The following LANCL2 variants were observed in gnomAD, a reference collection of about 807,000 sequenced individuals.
LANCL2 encodes LanC like glutathione S-transferase 2.
LANCL2 carries 33 observed loss-of-function variants against 56.9 expected under a neutral mutation model. The ratio of observed to expected loss-of-function variants is 0.58; its 90% confidence interval spans 0.44 to 0.78. The LOEUF (loss-of-function observed/expected upper bound fraction) is 0.78. Ranked by LOEUF, LANCL2 falls within the 30% of genes least tolerant of loss-of-function variation. LANCL2 has a pLI of 0.00. For synonymous variants in LANCL2, 233 were observed against 228.2 expected, an observed-to-expected ratio of 1.02 and a Z score of -0.19; for missense variants, 562 against 580.2, an observed-to-expected ratio of 0.97 and a Z score of 0.32.
chr7:55,387,349 A>G (rs1790136507), intron 1 of LANCL2, among the ~76,000 whole-genome samples: 1 of 152,222 alleles, frequency 6.6e-6, no homozygotes, highest in South Asian at 2.1e-4. Flanking sequence ...TGACCTTCAA[A>G]AAGAAACGTT....
At chr7:55,367,319 T>C (rs1789886722) in intron 1 of LANCL2, among the ~76,000 whole-genome samples, 1 of 152,256 alleles carries the variant, frequency 6.6e-6, no homozygotes, top group Admixed American at 6.5e-5. Flanking sequence ...GATCTCCATG[T>C]ATTTCATATT....
At chr7:55,430,871 C>T (rs1790719459) in intron 8 of LANCL2, among the ~76,000 whole-genome samples, 1 of 152,168 alleles carries the variant, frequency 6.6e-6, no homozygotes, top group Admixed American at 6.5e-5. Flanking sequence ...ATATAAAATG[C>T]AACTTTGAGC....
chr7:55,399,689 T>G (rs879610017), intron 3 of LANCL2, among the ~76,000 whole-genome samples: 1 of 152,194 alleles, frequency 6.6e-6, no homozygotes, highest in African/African-American at 2.4e-5. Context: ...CTTTTACTTC[T>G]GGATTTCAAA....
chr7:55,365,791 G>C lies in LANCL2; in HGVS notation c.-235G>C. The C allele has an allele frequency of 2.6e-6, 1 of 390,772 alleles. No homozygotes were observed. The highest frequency in any genetic ancestry group is 3.7e-5 in the East Asian group (1 of 26,832). The allele number at this position is 390,772 out of a possible 1,614,324, so 24.2% of individuals were successfully genotyped here. ...TCCTCTCCGTCGGGAGCAGGGCAAAGGCGCCAGGAACAGGGCAGAGGCACA... is the reference window on the plus strand; with the variant it reads ...TCCTCTCCGTCGGGAGCAGGGCAAACGCGCCAGGAACAGGGCAGAGGCACA... On this transcript the variant is annotated 5_prime_UTR_variant, in exon 1 of 9. Coordinates refer to ENST00000254770, the MANE Select transcript of LANCL2 (RefSeq NM_018697.4).
rs1206647025 is a variant in LANCL2, at chr7:55,373,720, G to A, written c.204+7491G>A. 3.3e-5 allele frequency among the ~76,000 whole-genome samples: 5 copies of A among 151,964 alleles called. No individual in the cohort carries two copies. In the East Asian group the frequency reaches 7.7e-4, roughly 23 times the overall value. Reference sequence around the variant, plus strand: ...AATTTTTTTATGAGAGGCATTTTTTGCATTTTATTTAATGATACAATTTTG... The same window carrying A: ...AATTTTTTTATGAGAGGCATTTTTTACATTTTATTTAATGATACAATTTTG... On this transcript the variant is annotated intron_variant, in intron 1 of 8. Transcript: ENST00000254770.
intron 6 of LANCL2, among the ~76,000 whole-genome samples, chr7:55,420,248 A>G (rs554328720): frequency 1.3e-5 from 2 of 151,980 alleles, no homozygotes; most frequent in East Asian, 3.9e-4. Flanking sequence ...CAAATATTTT[A>G]TGTCTTGTTT....
Position 55,370,397 on chromosome 7 carries a change from C to T in LANCL2, c.204+4168C>T, listed in dbSNP as rs139344967. Among the ~76,000 whole-genome samples, 3 of 152,342 alleles carry T rather than the reference C, an allele frequency of 2.0e-5. No individual in the cohort carries two copies. In the East Asian group the frequency reaches 5.8e-4, roughly 29 times the overall value. On this transcript the variant is annotated intron_variant, in intron 1 of 8. Transcript: ENST00000254770. ...CAAGACAGTAAATCCAGCCCACGCT[C>T]AAGTGGAGGGGTTATACAGGAGCAT...
chr7:55,424,432 A>C (rs946967041), intron 6 of LANCL2, among the ~76,000 whole-genome samples: 1 of 152,140 alleles, frequency 6.6e-6, no homozygotes, highest in Non-Finnish European at 1.5e-5. Context: ...CAGGGTCCTC[A>C]GGTCCTGTTG....
intron 2 of LANCL2, 89 bp downstream of exon 2, chr7:55,391,999 T>A (rs1562861190): frequency 1.2e-6 from 1 of 818,628 alleles, no homozygotes; most frequent in East Asian, 2.6e-5. Context: ...TCTTTTAAAA[T>A]GGTAAAGATT....
intron 2 of LANCL2, among the ~76,000 whole-genome samples, chr7:55,392,163 G>A (rs1348164007): frequency 6.6e-6 from 1 of 151,888 alleles, no homozygotes; most frequent in African/African-American, 2.4e-5. Context: ...TGTGGTGTCG[G>A]GCACCTGTAA....
intron 1 of LANCL2, among the ~76,000 whole-genome samples, chr7:55,382,121 A>T (rs1316316145): frequency 6.6e-6 from 1 of 152,202 alleles, no homozygotes; most frequent in African/African-American, 2.4e-5. Context: ...TTTCTACATA[A>T]AAGACACATT....
chr7:55,425,527 T>C lies in LANCL2; in HGVS notation c.1185+97T>C, dbSNP rs148228511. On this transcript the variant is annotated intron_variant, in intron 7 of 8. Coordinates refer to ENST00000254770, the MANE Select transcript of LANCL2 (RefSeq NM_018697.4). ...AACTCCTGTTCCTTCTTTTAACCTG[T>C]TTCTCCCAGTTCTGTAGCTTCCTCT... The C allele has an allele frequency of 1.0e-3, 1,159 of 1,136,216 alleles. 13 individuals carry two copies. In the African/African-American group the frequency reaches 0.016, roughly 16 times the overall value. The allele number at this position is 1,136,216 out of a possible 1,614,324, so 70.4% of individuals were successfully genotyped here.
rs1309405797 is a variant in LANCL2 at position 55,431,670 on chromosome 7, T to C, written c.*350T>C. 5.2e-6 allele frequency: 1 copy of C among 191,596 alleles called. No homozygotes were observed. The highest frequency in any genetic ancestry group is 1.1e-5 in the Non-Finnish European group (1 of 94,004). 11.9% of individuals were successfully genotyped at this position (191,596 alleles called of 1,614,324 possible). The stretch of plus-strand genomic sequence containing the variant: ...GCAGTGTCCACTTTTCTGTATAAAA[T>C]GTATAAAGTGGGGTTTCTTCCATAT... On this transcript the variant is annotated 3_prime_UTR_variant, in exon 9 of 9. Transcript: ENST00000254770.
chr7:55,378,734 ATAAAAAGTACCT>A (rs1256094479), intron 1 of LANCL2, among the ~76,000 whole-genome samples: 1 of 152,224 alleles, frequency 6.6e-6, no homozygotes, highest in Non-Finnish European at 1.5e-5. Flanking sequence ...AAGGGGAACC[ATAAAAAGTACCT>A]TATGGCAAAG....
At chr7:55,369,136 C>T (rs1384904163) in intron 1 of LANCL2, among the ~76,000 whole-genome samples, 1 of 152,136 alleles carries the variant, frequency 6.6e-6, no homozygotes, top group Non-Finnish European at 1.5e-5. Context: ...GAGCATGGCC[C>T]TGTTGATACG....
rs370844717 is a variant in LANCL2 at position 55,366,006 on chromosome 7, C to T, written c.-20C>T. The T allele has an allele frequency of 1.0e-3, 1,477 of 1,420,246 alleles. 1 individual carries two copies. Among genetic ancestry groups the T allele is most frequent in the Non-Finnish European group, 1.3e-3 (1,385 of 1,080,414 alleles). The allele number at this position is 1,420,246 out of a possible 1,614,324, so 88.0% of individuals were successfully genotyped here. A position where few individuals can be genotyped will look rare whatever the true frequency, so the allele number is the denominator to read the frequency against. ...GGGACAGGAGGTTTGTCCCCGCCCG[C>T]GCGCCGTACCGCGGCGGAGATGGGC... is the stretch of plus-strand genomic sequence containing the variant. On this transcript the variant is annotated 5_prime_UTR_variant, in exon 1 of 9. Coordinates refer to ENST00000254770, the MANE Select transcript of LANCL2 (RefSeq NM_018697.4).
chr7:55,389,106 A>G (rs574611177), intron 1 of LANCL2, among the ~76,000 whole-genome samples: 1 of 152,302 alleles, frequency 6.6e-6, no homozygotes, highest in East Asian at 1.9e-4. Flanking sequence ...ATAAAAGACT[A>G]AGGAAGCGAA....
chr7:55,426,010 G>A (rs1486770798), intron 7 of LANCL2, among the ~76,000 whole-genome samples: 1 of 152,146 alleles, frequency 6.6e-6, no homozygotes, highest in Non-Finnish European at 1.5e-5. Flanking sequence ...AGAACGGAGT[G>A]TGTCACTCTT....
Position 55,401,205 on chromosome 7 carries a change from C to T in LANCL2, c.710C>T (p.Thr237Ile), listed in dbSNP as rs748630354. ...AATGCTATTATTGAATCGGGTAAGACTTTGTCAAGGGAAGAAAGAAAAACG... is the reference window on the plus strand; with the variant it reads ...AATGCTATTATTGAATCGGGTAAGATTTTGTCAAGGGAAGAAAGAAAAACG... ...VVNAIIESGK[T>I]LSREERKTER... Residue 237 changes from threonine (T) to isoleucine (I), a missense_variant, in exon 5 of 9, where the codon ACT becomes ATT. This residue lies in a region of LANCL2 where 378 missense variants were observed against 468.4 expected (regional missense o/e 0.81). Transcript: ENST00000254770. The T allele has an allele frequency of 1.2e-6, 2 of 1,614,068 alleles. No individual in the cohort carries two copies. The highest frequency in any genetic ancestry group is 1.7e-5 in the Admixed American group (1 of 60,020).
Sources: allele counts gnomAD v4.1 joint callset (sites outside exome capture counted in the v4.1 genomes callset), GRCh38; gene constraint gnomAD v4.1.1; regional missense constraint gnomAD v4.1.1; transcripts MANE v1.5; gene names NCBI Gene and HGNC (gene_info 2026-07-23, HGNC 2026-07-21).